The following AUTS2 variants were observed in gnomAD, a reference collection of about 807,000 sequenced individuals.
AUTS2 encodes activator of transcription and developmental regulator AUTS2.
In AUTS2, 17 loss-of-function variants were observed where a neutral mutation model predicts 112.4. The observed-to-expected ratio is 0.15, with a 90% CI of 0.10 to 0.23. The LOEUF (loss-of-function observed/expected upper bound fraction) is 0.23, where lower values mean the gene tolerates loss of function less well. Ranked by LOEUF, AUTS2 falls within the 10% of genes least tolerant of loss-of-function variation. AUTS2 has a pLI of 1.00. For synonymous variants in AUTS2, 751 were observed against 702.7 expected, an observed-to-expected ratio of 1.07 and a Z score of -1.09; for missense variants, 1,510 against 1,701.6, an observed-to-expected ratio of 0.89 and a Z score of 1.98.
chr7:70,042,186 C>CA (rs113743365), intron 2 of AUTS2, among the ~76,000 whole-genome samples: 16 of 148,060 alleles, frequency 1.1e-4, no homozygotes, highest in South Asian at 6.5e-4. Context: ...ACCCACCCCC[C>CA]AAAAAAAAAT....
chr7:69,836,667 C>CA (rs1258617115), intron 1 of AUTS2, among the ~76,000 whole-genome samples: 14 of 152,120 alleles, frequency 9.2e-5, no homozygotes, highest in Non-Finnish European at 1.3e-4. Context: ...TCCTCAGGAA[C>CA]AATGACAGAG....
intron 5 of AUTS2, among the ~76,000 whole-genome samples, chr7:70,519,715 T>C (rs1410546446): frequency 6.6e-6 from 1 of 152,132 alleles, no homozygotes; most frequent in African/African-American, 2.4e-5. Context: ...ATGGAGGAAA[T>C]TGAGACATAG....
chr7:70,691,311 A>C (rs1239226035), intron 5 of AUTS2, among the ~76,000 whole-genome samples: 1 of 151,996 alleles, frequency 6.6e-6, no homozygotes, highest in Non-Finnish European at 1.5e-5. Context: ...AGAAGCCATT[A>C]GTGTTTAGTA....
intron 1 of AUTS2, among the ~76,000 whole-genome samples, chr7:69,774,122 G>A (rs1788793121): frequency 6.6e-6 from 1 of 152,238 alleles, no homozygotes; most frequent in South Asian, 2.1e-4. Flanking sequence ...GCTAAGCAAA[G>A]ATGTCCAGGG....
intron 1 of AUTS2, among the ~76,000 whole-genome samples, chr7:69,775,804 C>G (rs927890091): frequency 1.3e-5 from 2 of 152,044 alleles, no homozygotes; most frequent in Non-Finnish European, 2.9e-5. Flanking sequence ...CAATGTGGTC[C>G]CAGATTCAAA....
At position 70,621,838 on chromosome 7, in the gene AUTS2, C is replaced by CTTTTTTT. The variant is rs67123941; in HGVS notation, c.691-76710_691-76704dup. On this transcript the variant is annotated intron_variant, in intron 5 of 18. Transcript: ENST00000342771. The stretch of plus-strand genomic sequence containing the variant: ...GCTTACGTTAGTGCATAGTCATTCT[C>CTTTTTTT]TTTTTTTTTTTTTTTTTTTTTTTTT... 2.5e-3 allele frequency among the ~76,000 whole-genome samples: 164 copies of CTTTTTTT among 66,816 alleles called. 38 individuals are homozygous for CTTTTTTT. The highest frequency in any genetic ancestry group is 3.5e-3 in the East Asian group (7 of 2,014). 43.8% of individuals were successfully genotyped at this position (66,816 alleles called of 152,430 possible).
At chr7:70,027,258 G>A (rs945512544) in intron 2 of AUTS2, among the ~76,000 whole-genome samples, 12 of 152,132 alleles carry the variant, frequency 7.9e-5, no homozygotes, top group African/African-American at 2.4e-4. Context: ...TGATGTCTTC[G>A]TTTTGGAAAC....
chr7:70,229,518 A>G (rs765154216), intron 4 of AUTS2, among the ~76,000 whole-genome samples: 3 of 152,082 alleles, frequency 2.0e-5, no homozygotes, highest in Non-Finnish European at 2.9e-5. Context: ...TTGCCTTTCA[A>G]CAGTTATATA....
At chr7:70,319,314 A>G (rs1403216155) in intron 4 of AUTS2, among the ~76,000 whole-genome samples, 1 of 152,118 alleles carries the variant, frequency 6.6e-6, no homozygotes, top group Non-Finnish European at 1.5e-5. Context: ...GATGCTGCCA[A>G]ATGTATCCAC....
chr7:69,990,640 C>T (rs1490757418), intron 2 of AUTS2, among the ~76,000 whole-genome samples: 1 of 152,178 alleles, frequency 6.6e-6, no homozygotes, highest in Non-Finnish European at 1.5e-5. Context: ...GCTGCCTTTA[C>T]ATAGTTTCTG....
At chr7:70,326,531 C>T (rs969533969) in intron 4 of AUTS2, among the ~76,000 whole-genome samples, 2 of 152,174 alleles carry the variant, frequency 1.3e-5, no homozygotes, top group Non-Finnish European at 2.9e-5. Context: ...GGACGTACAC[C>T]TGGAGCCCAG....
At chr7:69,769,914 C>T (rs1468909579) in intron 1 of AUTS2, among the ~76,000 whole-genome samples, 1 of 152,152 alleles carries the variant, frequency 6.6e-6, no homozygotes, top group African/African-American at 2.4e-5. Context: ...CAGTGCCTGC[C>T]ATGTAGCAAG....
At chr7:69,822,462 A>G (rs1283937943) in intron 1 of AUTS2, among the ~76,000 whole-genome samples, 1 of 152,164 alleles carries the variant, frequency 6.6e-6, no homozygotes, top group Non-Finnish European at 1.5e-5. Flanking sequence ...TCCAAAAGCA[A>G]AAGATTTGAT....
intron 4 of AUTS2, among the ~76,000 whole-genome samples, chr7:70,421,987 T>A (rs1219347985): frequency 6.6e-6 from 1 of 152,142 alleles, no homozygotes; most frequent in African/African-American, 2.4e-5. Flanking sequence ...TTTAAAGCCA[T>A]CCTAAAATAA....
chr7:69,646,918 C>T (rs1276384960), intron 1 of AUTS2, among the ~76,000 whole-genome samples: 4 of 152,152 alleles, frequency 2.6e-5, no homozygotes, highest in African/African-American at 4.8e-5. Context: ...AACCCCGTCT[C>T]TACTAAAAAA....
chr7:70,567,785 A>C (rs1801767305), intron 5 of AUTS2, among the ~76,000 whole-genome samples: 1 of 152,150 alleles, frequency 6.6e-6, no homozygotes, highest in South Asian at 2.1e-4. Context: ...GGACCTGGGA[A>C]CTGCACTAAG....
intron 1 of AUTS2, chr7:69,663,250 A>G (rs771652338): frequency 2.6e-5 from 4 of 152,152 alleles, no homozygotes; most frequent in Non-Finnish European, 5.9e-5. Flanking sequence ...TGGCTGATAT[A>G]TTGGTGTTAA....
chr7:69,965,178 A>C (rs1398321407), intron 2 of AUTS2, among the ~76,000 whole-genome samples: 1 of 152,128 alleles, frequency 6.6e-6, no homozygotes, highest in African/African-American at 2.4e-5. Flanking sequence ...TTTTGGTGAT[A>C]GTTCCAAATG....
At chr7:70,312,287 T>G (rs1484260927) in intron 4 of AUTS2, among the ~76,000 whole-genome samples, 2 of 151,988 alleles carry the variant, frequency 1.3e-5, no homozygotes, top group African/African-American at 4.8e-5. Flanking sequence ...TTTAGCTTAT[T>G]TTTTTCTTCT....
Sources: allele counts gnomAD v4.1 joint callset (sites outside exome capture counted in the v4.1 genomes callset), GRCh38; gene constraint gnomAD v4.1.1; transcripts MANE v1.5; gene names NCBI Gene and HGNC (gene_info 2026-07-23, HGNC 2026-07-21).